The following TET3 variants were observed in gnomAD, a reference collection of about 807,000 sequenced individuals.
TET3 encodes tet methylcytosine dioxygenase 3.
TET3 carries 19 observed loss-of-function variants against 141.4 expected under a neutral mutation model. The observed-to-expected ratio is 0.13, with a 90% CI of 0.09 to 0.20. TET3 has a LOEUF of 0.20. TET3 is among the 10% of genes least tolerant of loss of function. The pLI is 1.00. For missense variants in TET3, 1,874 were observed against 2,356.9 expected, an observed-to-expected ratio of 0.80 and a Z score of 4.24; for synonymous variants, 1,043 against 980.9, an observed-to-expected ratio of 1.06 and a Z score of -1.18.
At chr2:74,131,826 A>G in the TET3 span, among the ~76,000 whole-genome samples, 6 of 151,296 alleles carry the variant, frequency 4.0e-5, no homozygotes, top group African/African-American at 7.3e-5. Context: ...CTGGGATTAA[A>G]CACGTTCTTC....
intron 4 of TET3, among the ~76,000 whole-genome samples, chr2:74,055,200 G>A (rs544642939): frequency 2.6e-5 from 4 of 152,188 alleles, no homozygotes; most frequent in East Asian, 3.9e-4. Flanking sequence ...ATGCCTGGCC[G>A]CGTGTTGTAT....
chr2:74,008,572 C>T (rs1218027930), intron 3 of TET3, among the ~76,000 whole-genome samples: 5 of 152,224 alleles, frequency 3.3e-5, no homozygotes, highest in Non-Finnish European at 7.3e-5. Flanking sequence ...GGGTTGATTG[C>T]AGATTCTACC....
intron 3 of TET3, among the ~76,000 whole-genome samples, chr2:74,026,508 G>A (rs184399501): frequency 1.3e-5 from 2 of 152,260 alleles, no homozygotes; most frequent in East Asian, 3.9e-4. Flanking sequence ...GTTCCAGAGT[G>A]GTTATTTGCA....
chr2:74,049,192 C>T (rs1255664921), intron 4 of TET3, among the ~76,000 whole-genome samples: 2 of 152,090 alleles, frequency 1.3e-5, no homozygotes, highest in African/African-American at 4.8e-5. Context: ...CACTGCAGGT[C>T]TCTGCCTGGG....
At chr2:74,027,763 T>C (rs1686454513) in intron 3 of TET3, among the ~76,000 whole-genome samples, 1 of 152,230 alleles carries the variant, frequency 6.6e-6, no homozygotes, top group Admixed American at 6.5e-5. Flanking sequence ...ATCCATTCTT[T>C]AGTCACTGGA....
rs999574025 is a variant in TET3, at chr2:74,104,033, C to T, written c.*1857C>T. ...TACTGTATCTGTTTGGAAGCACTGG[C>T]GGAGGGTCGTTGTAAGATGTCCTGA... On this transcript the variant is annotated 3_prime_UTR_variant, in exon 12 of 12. Coordinates refer to ENST00000409262, the MANE Select transcript of TET3 (RefSeq NM_001287491.2). 4.6e-5 allele frequency: 7 copies of T among 153,522 alleles called. No individual in the cohort carries two copies. The highest frequency in any genetic ancestry group is 1.0e-4 in the Non-Finnish European group (7 of 68,012). The allele number at this position is 153,522 out of a possible 1,614,324, so 9.5% of individuals were successfully genotyped here. A position where few individuals can be genotyped will look rare whatever the true frequency, so the allele number is the denominator to read the frequency against.
intron 3 of TET3, among the ~76,000 whole-genome samples, chr2:74,037,184 A>G (rs570632812): frequency 1.8e-3 from 267 of 152,312 alleles, no homozygotes; most frequent in African/African-American, 6.1e-3. Context: ...GAACAGGCAG[A>G]TGTGCACCTC....
At chr2:73,990,293 C>T (rs1020421024) in intron 2 of TET3, among the ~76,000 whole-genome samples, 4 of 151,950 alleles carry the variant, frequency 2.6e-5, no homozygotes, top group African/African-American at 9.7e-5. Context: ...GTGGGAGAAT[C>T]GCCTGAGCCC....
rs1240850114 is a variant in TET3, at chr2:74,102,048, C to A, written c.5260C>A (p.Pro1754Thr). The change falls in exon 12 of 12, where the codon CCC becomes ACC. Residue 1754 changes from proline (P) to threonine (T), a missense_variant. Physicochemically the swap from Pro to Thr is conservative, Grantham distance 38. Around this residue, in one of 10 missense-constraint regions of TET3, gnomAD observed 113 missense variants for 114.3 expected, o/e 0.99. Transcript: ENST00000409262. The part of the protein sequence containing the change: ...RKWGGTVVAE[P>T]QQKEKKGVVP... ...GTGGGGGGGCACTGTGGTTGCTGAG[C>A]CCCAGCAGAAAGAGAAGAAGGGGGT... 1.3e-6 allele frequency: 2 copies of A among 1,537,170 alleles called. No individual in the cohort carries two copies. Among genetic ancestry groups the A allele is most frequent in the Non-Finnish European group, 1.7e-6 (2 of 1,143,284 alleles).
chr2:74,090,303 C>T (rs923516727), intron 8 of TET3, among the ~76,000 whole-genome samples: 3 of 152,218 alleles, frequency 2.0e-5, no homozygotes, highest in South Asian at 2.1e-4. Context: ...TAGGTAAATA[C>T]TCCAAATATC....
rs1687645449 is a variant in TET3, at chr2:74,046,766, C to T, written c.849C>T (p.Leu283=). 4 of 1,613,772 alleles carry T rather than the reference C, an allele frequency of 2.5e-6. No individual in the cohort carries two copies. The highest frequency in any genetic ancestry group is 2.2e-5 in the South Asian group (2 of 91,084). Residue 283 remains leucine, a synonymous_variant, in exon 4 of 12, where the codon CTC becomes CTT. Transcript: ENST00000409262. The surrounding 1 kb of genome is among the most constrained non-coding windows in gnomAD (Gnocchi z 4.3). Reference sequence around the variant, plus strand: ...ATGGCCCAGAATGCCCTGACTACCTCGAGTGGCTGGAGGGGAAGATCAAGT... The same window carrying T: ...ATGGCCCAGAATGCCCTGACTACCTTGAGTGGCTGGAGGGGAAGATCAAGT... ...NCDGPECPDY[L]EWLEGKIKSV...
intron 1 of TET3, among the ~76,000 whole-genome samples, chr2:73,985,448 C>T (rs1193659450): frequency 6.9e-6 from 1 of 144,064 alleles, no homozygotes; most frequent in Non-Finnish European, 1.5e-5. Context: ...TCGAGCGCGC[C>T]CCCCTCCCCG....
chr2:74,018,293 CAT>C (rs147486425), intron 3 of TET3, among the ~76,000 whole-genome samples: 3,525 of 152,196 alleles, frequency 0.023, 143 homozygotes, highest in African/African-American at 0.081. Flanking sequence ...AGTGAGAAAA[CAT>C]AGTATAGCTT....
the TET3 span, among the ~76,000 whole-genome samples, chr2:74,128,054 T>TA: frequency 2.0e-5 from 3 of 152,228 alleles, no homozygotes; most frequent in African/African-American, 7.2e-5. Context: ...CACAGGTTAA[T>TA]AATGTGTGTA....
intron 4 of TET3, among the ~76,000 whole-genome samples, chr2:74,050,884 A>G (rs1687908575): frequency 6.6e-6 from 1 of 151,914 alleles, no homozygotes; most frequent in African/African-American, 2.4e-5. Context: ...AAAAACAACA[A>G]TAAAATATTT....
At chr2:74,022,094 CTTTTTTT>C (rs34529157) in intron 3 of TET3, among the ~76,000 whole-genome samples, 14 of 82,756 alleles carry the variant, frequency 1.7e-4, no homozygotes, top group African/African-American at 5.6e-4. Flanking sequence ...TTCTAGGACA[CTTTTTTT>C]TTTTTTTTTT....
chr2:74,002,183 T>C (rs1684882747), intron 2 of TET3, among the ~76,000 whole-genome samples: 1 of 152,152 alleles, frequency 6.6e-6, no homozygotes, highest in African/African-American at 2.4e-5. Flanking sequence ...CTTGGGTAAG[T>C]TGTTTCACTT....
chr2:74,047,027 C>G lies in TET3; in HGVS notation c.1110C>G (p.Leu370=), dbSNP rs757680642. ...IEALTQLSSA[L]PQPSHSTPQA... Reference sequence around the variant, plus strand: ...CCCTCACACAGCTCTCCTCTGCCCTCCCGCAGCCTTCTCATTCCACCCCCC... The same window carrying G: ...CCCTCACACAGCTCTCCTCTGCCCTGCCGCAGCCTTCTCATTCCACCCCCC... Residue 370 remains leucine, a synonymous_variant, in exon 4 of 12, where the codon CTC becomes CTG. Transcript: ENST00000409262. The G allele has an allele frequency of 6.2e-7, 1 of 1,614,000 alleles. No homozygotes were observed. Among genetic ancestry groups the G allele is most frequent in the South Asian group, 1.1e-5 (1 of 91,078 alleles).
Position 74,050,953 on chromosome 2 carries a change from G to T in TET3, c.2494+2542G>T, listed in dbSNP as rs998883026. Among the ~76,000 whole-genome samples the T allele has an allele frequency of 1.3e-4, 20 of 152,214 alleles. No homozygotes were observed. The South Asian group carries it at 3.7e-3, about 28-fold the overall frequency. On this transcript the variant is annotated intron_variant, in intron 4 of 11. Transcript: ENST00000409262. ...TTTTACCTCCGAGGCCCATGCTGTT[G>T]TATGGAAGTGGCTATATCGCAGGGG... is the stretch of plus-strand genomic sequence containing the variant.
Sources: allele counts gnomAD v4.1 joint callset (sites outside exome capture counted in the v4.1 genomes callset), GRCh38; gene constraint gnomAD v4.1.1; regional missense constraint gnomAD v4.1.1; non-coding constraint Gnocchi (gnomAD v3.1); transcripts MANE v1.5; gene names NCBI Gene and HGNC (gene_info 2026-07-23, HGNC 2026-07-21).